Variants in SOX6 observed in about 807,000 individuals in gnomAD.
The protein encoded by SOX6 is SRY-box transcription factor 6.
A neutral mutation model predicts 97.8 loss-of-function variants in SOX6; 11 were observed. That is an observed-to-expected ratio of 0.11 (90% confidence interval 0.07 to 0.19). The LOEUF (loss-of-function observed/expected upper bound fraction) is 0.19, where lower values mean the gene tolerates loss of function less well. Ranked by LOEUF, SOX6 falls within the 10% of genes least tolerant of loss-of-function variation. SOX6 has a pLI of 1.00. For missense variants in SOX6, 810 were observed against 1,039.5 expected (o/e 0.78, Z 3.04); for synonymous variants, 360 against 371.4 (o/e 0.97, Z 0.35).
intron 1 of SOX6, 41 bp from the exon 2 acceptor site, chr11:16,341,293 T>C (rs748665958): frequency 2.5e-6 from 4 of 1,607,022 alleles, no homozygotes; most frequent in East Asian, 4.5e-5. Context: ...TGGCTGTCAA[T>C]AACAAACCAT....
At chr11:16,259,104 A>C (rs1590070640) in intron 3 of SOX6, among the ~76,000 whole-genome samples, 1 of 152,086 alleles carries the variant, frequency 6.6e-6, no homozygotes, top group South Asian at 2.1e-4. Flanking sequence ...ATAAAGTATT[A>C]GAATTAAGAA....
chr11:16,251,594 G>A (rs1284976430), intron 3 of SOX6, among the ~76,000 whole-genome samples: 1 of 152,082 alleles, frequency 6.6e-6, no homozygotes, highest in South Asian at 2.1e-4. Flanking sequence ...GATCTATAAT[G>A]TAAAGCCCTC....
chr11:16,278,684 T>C (rs1225780261), intron 3 of SOX6, among the ~76,000 whole-genome samples: 1 of 151,694 alleles, frequency 6.6e-6, no homozygotes, highest in Non-Finnish European at 1.5e-5. Context: ...AACCTGAAGA[T>C]GAAAATAATG....
At chr11:16,713,528 T>C (rs937078068) in intron 3 of SOX6, among the ~76,000 whole-genome samples, 8 of 152,190 alleles carry the variant, frequency 5.3e-5, no homozygotes, top group Non-Finnish European at 1.2e-4. Context: ...GGAGAAATCA[T>C]ACTTTGTTCC....
At chr11:16,217,893 T>A (rs1852420729) in intron 4 of SOX6, among the ~76,000 whole-genome samples, 2 of 152,132 alleles carry the variant, frequency 1.3e-5, no homozygotes. Context: ...GTTACCTGCC[T>A]GTAATTGGTT....
At position 16,567,561 on chromosome 11, in the gene SOX6, C is replaced by CTTTTT. The variant is rs59320140; in HGVS notation, n.609+44515_609+44519dup. ...TATTAATGGTATGTCATATTTTTTT[C>CTTTTT]TTTTTTTTTTTTTTTTTTTTTTTTT... is the stretch of plus-strand genomic sequence containing the variant. On this transcript the variant is annotated intron_variant and non_coding_transcript_variant, in intron 4 of 5. Coordinates refer to the SOX6 transcript ENST00000524520. 1.7e-3 allele frequency among the ~76,000 whole-genome samples: 149 copies of CTTTTT among 87,360 alleles called. 4 individuals carry two copies. The highest frequency in any genetic ancestry group is 2.6e-3 in the Non-Finnish European group (113 of 43,738). 57.3% of individuals were successfully genotyped at this position (87,360 alleles called of 152,430 possible).
At chr11:16,269,610 T>C (rs1019149786) in intron 3 of SOX6, among the ~76,000 whole-genome samples, 12 of 151,042 alleles carry the variant, frequency 7.9e-5, no homozygotes, top group African/African-American at 2.7e-4. Context: ...TACTACTGTG[T>C]CTTTTAGGAT....
At chr11:16,468,497 C>T (rs1026835732) in intron 1 of SOX6, among the ~76,000 whole-genome samples, 4 of 152,054 alleles carry the variant, frequency 2.6e-5, no homozygotes, top group Non-Finnish European at 5.9e-5. Flanking sequence ...AATAAATCAT[C>T]AATATATGAT....
At chr11:16,632,916 C>G (rs575156175) in intron 3 of SOX6, among the ~76,000 whole-genome samples, 80 of 152,228 alleles carry the variant, frequency 5.3e-4, no homozygotes, top group African/African-American at 1.9e-3. Flanking sequence ...CCTGGGCATA[C>G]AGCAGAGAGG....
intron 4 of SOX6, among the ~76,000 whole-genome samples, chr11:16,561,888 C>G (rs1368474499): frequency 7.8e-6 from 1 of 128,614 alleles, no homozygotes; most frequent in African/African-American, 2.7e-5. Flanking sequence ...ATCACCACAC[C>G]TGGCTAATTT....
chr11:16,541,188 C>A (rs1306854450), intron 4 of SOX6, among the ~76,000 whole-genome samples: 2 of 152,172 alleles, frequency 1.3e-5, no homozygotes, highest in Non-Finnish European at 2.9e-5. Flanking sequence ...GCCATCTGAT[C>A]TTTGACAAAA....
intron 2 of SOX6, among the ~76,000 whole-genome samples, chr11:16,339,546 C>T (rs1370219512): frequency 2.0e-5 from 3 of 151,864 alleles, no homozygotes; most frequent in Non-Finnish European, 4.4e-5. Flanking sequence ...TAGGTTTGCC[C>T]CATTATGTTC....
intron 4 of SOX6, among the ~76,000 whole-genome samples, chr11:16,544,348 C>A (rs1039400741): frequency 6.6e-6 from 1 of 152,126 alleles, no homozygotes; most frequent in Non-Finnish European, 1.5e-5. Flanking sequence ...CAGCCTCAGT[C>A]TCCTGGGCTC....
intron 1 of SOX6, among the ~76,000 whole-genome samples, chr11:16,421,035 G>C (rs879752621): frequency 6.6e-6 from 1 of 152,092 alleles, no homozygotes; most frequent in Non-Finnish European, 1.5e-5. Context: ...TAGTGACAAT[G>C]TGAGAAAAAA....
At chr11:16,347,896 T>C (rs922763407) in intron 1 of SOX6, among the ~76,000 whole-genome samples, 8 of 152,050 alleles carry the variant, frequency 5.3e-5, no homozygotes, top group African/African-American at 1.9e-4. Context: ...GAAACTAATC[T>C]CTGAGGTCCT....
At position 16,145,607 on chromosome 11, in the gene SOX6, G is replaced by A. The variant is rs536969056; in HGVS notation, c.778-33684C>T. ...GATTGTATATTTAGAAAACCCCATC[G>A]TCTCAGCCCAAAATCTCCTTAAGCT... On this transcript the variant is annotated intron_variant, in intron 6 of 15. Coordinates refer to ENST00000683767, the MANE Select transcript of SOX6 (RefSeq NM_001367873.1). 7.2e-5 allele frequency among the ~76,000 whole-genome samples: 11 copies of A among 152,240 alleles called. No homozygotes were observed. In the South Asian group the frequency reaches 8.3e-4, roughly 11 times the overall value.
chr11:16,512,244 T>G (rs1225797257), intron 4 of SOX6, among the ~76,000 whole-genome samples: 1 of 152,156 alleles, frequency 6.6e-6, no homozygotes, highest in Non-Finnish European at 1.5e-5. Context: ...ACAGAAGTAC[T>G]GGGGGATATC....
intron 3 of SOX6, among the ~76,000 whole-genome samples, chr11:16,644,518 C>T (rs962004296): frequency 6.6e-6 from 1 of 152,068 alleles, no homozygotes; most frequent in Non-Finnish European, 1.5e-5. Context: ...TCTGTAATTC[C>T]TATTAAAATT....
chr11:16,657,303 C>A (rs1176204752), intron 3 of SOX6, among the ~76,000 whole-genome samples: 1 of 152,128 alleles, frequency 6.6e-6, no homozygotes, highest in African/African-American at 2.4e-5. Flanking sequence ...ATTTTTAACA[C>A]AATAATATTC....
Sources: gnomAD v4.1 joint callset for allele counts (sites outside exome capture counted in the v4.1 genomes callset) on GRCh38, gnomAD v4.1.1 for gene constraint, MANE v1.5 for transcripts, NCBI Gene and HGNC (gene_info 2026-07-23, HGNC 2026-07-21) for gene names.